The following CFAP299 variants were observed in gnomAD, a reference collection of about 807,000 sequenced individuals.
CFAP299 encodes the protein cilia- and flagella-associated protein 299.
A neutral mutation model predicts 27.0 loss-of-function variants in CFAP299; 21 were observed. The ratio of observed to expected loss-of-function variants is 0.78; its 90% CI spans 0.55 to 1.12. The LOEUF is 1.12. Among genes scored for constraint, CFAP299 ranks in the 50% most tolerant of loss-of-function variants. The pLI is 0.00. For synonymous variants in CFAP299, 104 were observed against 98.1 expected, an observed-to-expected ratio of 1.06 and a Z score of -0.36; for missense variants, 310 against 276.6, an observed-to-expected ratio of 1.12 and a Z score of -0.86.
At chr4:80,949,521 T>C (rs1185525016) in intron 5 of CFAP299, among the ~76,000 whole-genome samples, 1 of 121,328 alleles carries the variant, frequency 8.2e-6, no homozygotes, top group African/African-American at 3.1e-5. Context: ...ACTTAAAGTA[T>C]AATAAAATTT....
At chr4:80,757,366 GTT>G (rs1204581279) in intron 3 of CFAP299, among the ~76,000 whole-genome samples, 3 of 152,000 alleles carry the variant, frequency 2.0e-5, no homozygotes, top group Non-Finnish European at 1.5e-5. Flanking sequence ...TTTTAAAATT[GTT>G]TTTCTCATGA....
chr4:80,577,721 A>C (rs1320497409), intron 2 of CFAP299, among the ~76,000 whole-genome samples: 3 of 152,176 alleles, frequency 2.0e-5, no homozygotes, highest in African/African-American at 7.2e-5. Flanking sequence ...CTTAATGATT[A>C]ATCAAACTTT....
At chr4:80,728,343 G>T (rs979493473) in intron 3 of CFAP299, among the ~76,000 whole-genome samples, 1 of 152,028 alleles carries the variant, frequency 6.6e-6, no homozygotes, top group Non-Finnish European at 1.5e-5. Context: ...ACACTAAAAA[G>T]TATTGTGGAA....
chr4:80,945,925 G>A (rs1356010631), intron 5 of CFAP299, among the ~76,000 whole-genome samples: 6 of 151,792 alleles, frequency 4.0e-5, no homozygotes, highest in African/African-American at 7.2e-5. Flanking sequence ...AGGCAGAGGC[G>A]GGCAGATCAC....
the CFAP299 span, among the ~76,000 whole-genome samples, chr4:80,323,779 A>G: frequency 1.3e-5 from 2 of 152,172 alleles, no homozygotes; most frequent in East Asian, 1.9e-4. Flanking sequence ...TTTTACTTTT[A>G]TTTCTAATTA....
intron 2 of CFAP299, among the ~76,000 whole-genome samples, chr4:80,446,139 G>T (rs533498402): frequency 6.6e-6 from 1 of 152,318 alleles, no homozygotes; most frequent in Admixed American, 6.5e-5. Flanking sequence ...AAGGATTCAG[G>T]ACTGGGAAGA....
At chr4:80,494,093 A>G (rs558881148) in intron 2 of CFAP299, among the ~76,000 whole-genome samples, 3 of 152,296 alleles carry the variant, frequency 2.0e-5, no homozygotes, top group Admixed American at 1.3e-4. Flanking sequence ...ATATTCTTGA[A>G]GTTAGCAGAG....
chr4:80,445,152 G>A (rs2110090521), intron 2 of CFAP299, among the ~76,000 whole-genome samples: 1 of 152,292 alleles, frequency 6.6e-6, no homozygotes, highest in South Asian at 2.1e-4. Flanking sequence ...AATACCATTT[G>A]ACCCAGCAAT....
intron 3 of CFAP299, among the ~76,000 whole-genome samples, chr4:80,762,489 T>C (rs1725592419): frequency 6.6e-6 from 1 of 152,078 alleles, no homozygotes; most frequent in African/African-American, 2.4e-5. Context: ...GGTCCTGGTA[T>C]AGGGGGTGAA....
intron 5 of CFAP299, among the ~76,000 whole-genome samples, chr4:80,961,166 A>C (rs1738325929): frequency 6.6e-6 from 1 of 151,778 alleles, no homozygotes. Flanking sequence ...TTGAATATAA[A>C]TTTATAGTTT....
chr4:80,733,098 G>C (rs1423845198), intron 3 of CFAP299, among the ~76,000 whole-genome samples: 1 of 151,904 alleles, frequency 6.6e-6, no homozygotes, highest in East Asian at 1.9e-4. Context: ...ATAATTTTGA[G>C]GTCTACATAT....
At chr4:80,602,303 C>T (rs1246100852) in intron 3 of CFAP299, among the ~76,000 whole-genome samples, 3 of 152,096 alleles carry the variant, frequency 2.0e-5, no homozygotes, top group Non-Finnish European at 4.4e-5. Context: ...CTTTTTAATG[C>T]CAGGCTACTT....
chr4:80,904,629 A>G (rs1735091533), intron 4 of CFAP299, among the ~76,000 whole-genome samples: 1 of 152,138 alleles, frequency 6.6e-6, no homozygotes, highest in Non-Finnish European at 1.5e-5. Context: ...AAAAAGAGAC[A>G]AGGAAGATGT....
At chr4:80,791,604 A>G (rs1264399374) in intron 3 of CFAP299, among the ~76,000 whole-genome samples, 1 of 152,092 alleles carries the variant, frequency 6.6e-6, no homozygotes, top group Non-Finnish European at 1.5e-5. Flanking sequence ...GAGAATGAGC[A>G]TCTTATTGAT....
intron 3 of CFAP299, among the ~76,000 whole-genome samples, chr4:80,623,584 G>C (rs1414392717): frequency 6.6e-6 from 1 of 152,134 alleles, no homozygotes; most frequent in East Asian, 1.9e-4. Context: ...ACAATGCTAA[G>C]AAAAGAGATA....
At chr4:80,839,150 A>G (rs1386309438) in intron 3 of CFAP299, among the ~76,000 whole-genome samples, 2 of 152,148 alleles carry the variant, frequency 1.3e-5, no homozygotes, top group African/African-American at 4.8e-5. Flanking sequence ...GTGGCAAATC[A>G]TATACATTAT....
At chr4:80,584,532 A>G (rs923182269) in intron 3 of CFAP299, among the ~76,000 whole-genome samples, 1 of 152,010 alleles carries the variant, frequency 6.6e-6, no homozygotes, top group Admixed American at 6.6e-5. Context: ...GTATTTACAG[A>G]GCAGATCAAC....
chr4:80,733,948 G>C (rs1723697666), intron 3 of CFAP299, among the ~76,000 whole-genome samples: 1 of 152,044 alleles, frequency 6.6e-6, no homozygotes, highest in Admixed American at 6.6e-5. Context: ...ATATCTCTTT[G>C]ATGTACCAAT....
intron 3 of CFAP299, among the ~76,000 whole-genome samples, chr4:80,654,833 C>T (rs1341779445): frequency 7.0e-6 from 1 of 143,738 alleles, no homozygotes; most frequent in Non-Finnish European, 1.5e-5. Context: ...TTCTATGGCT[C>T]AGGCACTAAT....
Sources: gnomAD v4.1 joint callset for allele counts (sites outside exome capture counted in the v4.1 genomes callset) on GRCh38, gnomAD v4.1.1 for gene constraint, MANE v1.5 for transcripts, NCBI Gene and HGNC (gene_info 2026-07-23, HGNC 2026-07-21) for gene names.